SRPK2: variants seen among roughly 807,000 people sequenced by gnomAD.
The protein encoded by SRPK2 is SFRS protein kinase 2.
A neutral mutation model predicts 90.8 loss-of-function variants in SRPK2; 21 were observed. That is an observed-to-expected ratio of 0.23 (90% confidence interval 0.16 to 0.33). The LOEUF (loss-of-function observed/expected upper bound fraction) is 0.33. Ranked by LOEUF, SRPK2 falls within the 10% of genes least tolerant of loss-of-function variation. The pLI, the probability that SRPK2 is intolerant of heterozygous loss-of-function variation, is 1.00. For missense variants in SRPK2, 620 were observed against 869.0 expected, an observed-to-expected ratio of 0.71 and a Z score of 3.60; for synonymous variants, 288 against 311.1, an observed-to-expected ratio of 0.93 and a Z score of 0.78.
intron 7 of SRPK2, among the ~76,000 whole-genome samples, chr7:105,159,464 A>AAAAAAAAAAAAACAAAAAAAAAAAC (rs1807168874): frequency 7.1e-6 from 1 of 141,598 alleles, no homozygotes; most frequent in African/African-American, 2.9e-5. Flanking sequence ...AAAAAAAAAA[A>AAAAAAAAAAAAACAAAAAAAAAAAC]AAAAAAAAAC....
chr7:105,270,530 C>G (rs959007914), intron 2 of SRPK2, among the ~76,000 whole-genome samples: 14 of 152,002 alleles, frequency 9.2e-5, no homozygotes, highest in African/African-American at 3.1e-4. Context: ...GTCTCAGCCT[C>G]CCGGGTAGCT....
intron 2 of SRPK2, among the ~76,000 whole-genome samples, chr7:105,272,887 G>C (rs1223094704): frequency 5.9e-5 from 9 of 152,064 alleles, no homozygotes; most frequent in Non-Finnish European, 1.0e-4. Flanking sequence ...AAATGTTTGA[G>C]GGATCCCAGG....
At chr7:105,306,710 T>C (rs1179533635) in intron 2 of SRPK2, 1 of 329,390 alleles carries the variant, frequency 3.0e-6, no homozygotes, top group Non-Finnish European at 5.9e-6. Flanking sequence ...CAATCCATTT[T>C]AATGCTGTAT....
At position 105,280,979 on chromosome 7, in the gene SRPK2, A is replaced by C. The variant is rs1477354681; in HGVS notation, c.72-77194T>G. On this transcript the variant is annotated intron_variant, in intron 2 of 15. Coordinates refer to ENST00000393651, the MANE Select transcript of SRPK2 (RefSeq NM_182692.3). The stretch of plus-strand genomic sequence containing the variant: ...AAAAAAAAAAAAAAAAAAAAAAAAA[A>C]AAAAAACCTTGTTTATAAGGCATAA... Among the ~76,000 whole-genome samples, 106 of 121,948 alleles carry C rather than the reference A, an allele frequency of 8.7e-4. 1 individual carries two copies. The Admixed American group carries it at 9.0e-3, about 10-fold the overall frequency. 80.0% of individuals were successfully genotyped at this position (121,948 alleles called of 152,430 possible). A position where few individuals can be genotyped will look rare whatever the true frequency, so the allele number is the denominator to read the frequency against.
chr7:105,306,444 C>T, intron 2 of SRPK2: 1 of 436,488 alleles, frequency 2.3e-6, no homozygotes, highest in South Asian at 1.7e-5. Flanking sequence ...ACCTAAGAGA[C>T]CACATCACTG....
rs765544583 is a variant in SRPK2, at chr7:105,159,448, C to CAAAAAA, written c.621+1053_621+1058dup. 2.7e-4 allele frequency among the ~76,000 whole-genome samples: 9 copies of CAAAAAA among 33,138 alleles called. 1 individual carries two copies. The highest frequency in any genetic ancestry group is 1.6e-3 in the South Asian group (1 of 618). 21.7% of individuals were successfully genotyped at this position (33,138 alleles called of 152,430 possible). On this transcript the variant is annotated intron_variant, in intron 7 of 15. Transcript: ENST00000393651. ...GGGTGACAGAGCGAGACTCCGTCTC[C>CAAAAAA]AAAAAAAAAAAAAAAAAAAAAAAAA...
intron 1 of SRPK2, among the ~76,000 whole-genome samples, chr7:105,395,557 C>T (rs1479315688): frequency 1.3e-5 from 2 of 152,012 alleles, no homozygotes; most frequent in East Asian, 1.9e-4. Context: ...TGGTGAAACC[C>T]CGTCTCTACT....
chr7:105,390,755 T>A (rs1270446153), upstream of SRPK2, among the ~76,000 whole-genome samples: 1 of 151,988 alleles, frequency 6.6e-6, no homozygotes, highest in African/African-American at 2.4e-5. Context: ...ACCCAGCCTT[T>A]TTTTGTTTTG....
intron 7 of SRPK2, among the ~76,000 whole-genome samples, chr7:105,155,263 T>G (rs972223276): frequency 3.3e-5 from 5 of 152,232 alleles, no homozygotes; most frequent in African/African-American, 1.2e-4. Context: ...ATTACAGGCG[T>G]GAGCCACTGC....
At chr7:105,257,985 T>C (rs993196781) in intron 2 of SRPK2, among the ~76,000 whole-genome samples, 1 of 151,624 alleles carries the variant, frequency 6.6e-6, no homozygotes, top group Non-Finnish European at 1.5e-5. Context: ...CACGCGCCTG[T>C]AGTCCCACCT....
At chr7:105,148,848 G>T (rs1805061449) in intron 7 of SRPK2, among the ~76,000 whole-genome samples, 1 of 152,160 alleles carries the variant, frequency 6.6e-6, no homozygotes, top group Non-Finnish European at 1.5e-5. Flanking sequence ...AAGGTTTAAG[G>T]GATCCAGGGC....
chr7:105,215,857 C>G (rs908221188), intron 2 of SRPK2, among the ~76,000 whole-genome samples: 1 of 152,084 alleles, frequency 6.6e-6, no homozygotes, highest in Admixed American at 6.5e-5. Context: ...GGTGACTACT[C>G]AAGTGTATGA....
chr7:105,340,297 T>G lies in SRPK2; in HGVS notation c.71+48351A>C, dbSNP rs117796677. Among the ~76,000 whole-genome samples the G allele has an allele frequency of 5.4e-3, 814 of 152,082 alleles. 6 individuals carry two copies. Among genetic ancestry groups the G allele is most frequent in the South Asian group, 0.013 (63 of 4,816 alleles). On this transcript the variant is annotated intron_variant, in intron 2 of 15. Transcript: ENST00000393651. ...AAAAGCCAAGTGGGCAGTTGAGTTGTGAGCTAAAGCAGTCAATTTTTTCAT... is the reference window on the plus strand; with the variant it reads ...AAAAGCCAAGTGGGCAGTTGAGTTGGGAGCTAAAGCAGTCAATTTTTTCAT...
intron 2 of SRPK2, among the ~76,000 whole-genome samples, chr7:105,233,777 T>C (rs1799805677): frequency 6.6e-6 from 1 of 152,036 alleles, no homozygotes. Flanking sequence ...GGAGAATCGC[T>C]TGAACCTGGG....
chr7:105,178,431 TC>T (rs1439369543), intron 3 of SRPK2, among the ~76,000 whole-genome samples: 1 of 152,144 alleles, frequency 6.6e-6, no homozygotes, highest in African/African-American at 2.4e-5. Context: ...GTCAAATATT[TC>T]CTATAACAGT....
chr7:105,223,431 T>A (rs1431666465), intron 2 of SRPK2, among the ~76,000 whole-genome samples: 1 of 152,168 alleles, frequency 6.6e-6, no homozygotes, highest in Non-Finnish European at 1.5e-5. Flanking sequence ...TGCCCAAGTG[T>A]CAAAAAATTA....
At chr7:105,320,701 C>A (rs1315626538) in intron 2 of SRPK2, among the ~76,000 whole-genome samples, 1 of 152,208 alleles carries the variant, frequency 6.6e-6, no homozygotes, top group Non-Finnish European at 1.5e-5. Context: ...CCTTCATATA[C>A]AGCTTTTCCT....
chr7:105,396,414 G>A (rs1318496670), intron 1 of SRPK2, among the ~76,000 whole-genome samples: 1 of 151,644 alleles, frequency 6.6e-6, no homozygotes, highest in Non-Finnish European at 1.5e-5. Context: ...GAGGCAGGCA[G>A]ATCACGAGGT....
chr7:105,151,045 C>CA (rs1318169415), intron 7 of SRPK2, among the ~76,000 whole-genome samples: 1 of 152,086 alleles, frequency 6.6e-6, no homozygotes, highest in Non-Finnish European at 1.5e-5. Context: ...GACAATGATG[C>CA]ACCTCATGAC....
Sources: gnomAD v4.1 joint callset for allele counts (sites outside exome capture counted in the v4.1 genomes callset) on GRCh38, gnomAD v4.1.1 for gene constraint, MANE v1.5 for transcripts, NCBI Gene and HGNC (gene_info 2026-07-23, HGNC 2026-07-21) for gene names.